Variants in ESR1 observed in about 807,000 individuals in gnomAD.
ESR1 encodes estrogen receptor 1.
ESR1 carries 12 observed loss-of-function variants against 52.7 expected under a neutral mutation model. That is an observed-to-expected ratio of 0.23 (90% CI 0.15 to 0.37). ESR1 has a LOEUF of 0.37. Ranked by LOEUF, ESR1 falls within the 10% of genes least tolerant of loss-of-function variation. The pLI, the probability that ESR1 is intolerant of heterozygous loss-of-function variation, is 1.00. For synonymous variants in ESR1, 305 were observed against 316.8 expected (o/e 0.96, Z 0.39); for missense variants, 584 against 779.7 (o/e 0.75, Z 2.99).
intron 2 of ESR1, among the ~76,000 whole-genome samples, chr6:151,775,341 C>T (rs945095282): frequency 2.6e-5 from 4 of 152,138 alleles, no homozygotes; most frequent in African/African-American, 9.7e-5. Flanking sequence ...ATCTGAAATG[C>T]TTCAGTGAGC....
At chr6:151,710,519 T>G (rs1780518229) in intron 2 of ESR1, among the ~76,000 whole-genome samples, 1 of 152,122 alleles carries the variant, frequency 6.6e-6, no homozygotes, top group Non-Finnish European at 1.5e-5. Flanking sequence ...CTTTTTGACC[T>G]ACAAAAGCAA....
chr6:151,688,949 C>T (rs899110729), upstream of ESR1, among the ~76,000 whole-genome samples: 4 of 152,098 alleles, frequency 2.6e-5, no homozygotes, highest in African/African-American at 9.7e-5. Flanking sequence ...TATTGGAATG[C>T]AAACGAATAT....
At chr6:151,709,984 C>A (rs1780472035) in intron 2 of ESR1, among the ~76,000 whole-genome samples, 1 of 151,438 alleles carries the variant, frequency 6.6e-6, no homozygotes, top group Non-Finnish European at 1.5e-5. Context: ...GTATTTTTTA[C>A]ATCTGGAATT....
chr6:151,901,496 G>T (rs1363691166), intron 3 of ESR1, among the ~76,000 whole-genome samples: 1 of 152,122 alleles, frequency 6.6e-6, no homozygotes, highest in Admixed American at 6.5e-5. Context: ...AGTTCAGCTG[G>T]AGGTTTCCTT....
intron 4 of ESR1, among the ~76,000 whole-genome samples, chr6:151,981,802 T>A (rs1168759475): frequency 2.0e-5 from 3 of 152,236 alleles, no homozygotes; most frequent in Non-Finnish European, 4.4e-5. Context: ...GTAGACATAG[T>A]TCTTTGTCCC....
intron 5 of ESR1, among the ~76,000 whole-genome samples, chr6:152,033,695 G>A (rs1421739335): frequency 2.6e-5 from 4 of 152,162 alleles, no homozygotes; most frequent in Non-Finnish European, 4.4e-5. Flanking sequence ...CACTGTTGGT[G>A]GGACTGTAAA....
chr6:151,798,195 G>GT (rs1198265393), intron 2 of ESR1, among the ~76,000 whole-genome samples: 89 of 151,166 alleles, frequency 5.9e-4, no homozygotes, highest in African/African-American at 1.9e-3. Flanking sequence ...CTGGCCAGGT[G>GT]TTTTTTTTTC....
At chr6:151,943,221 A>G (rs1288547448) in intron 3 of ESR1, among the ~76,000 whole-genome samples, 1 of 152,124 alleles carries the variant, frequency 6.6e-6, no homozygotes, top group Admixed American at 6.5e-5. Flanking sequence ...TCTACTAAAA[A>G]TACAAAAAAT....
intron 4 of ESR1, among the ~76,000 whole-genome samples, chr6:151,949,005 C>A (rs934884501): frequency 2.0e-5 from 3 of 152,184 alleles, no homozygotes; most frequent in African/African-American, 7.2e-5. Flanking sequence ...AGTCTCTGAG[C>A]CCTGTTACAG....
intron 2 of ESR1, among the ~76,000 whole-genome samples, chr6:151,721,267 C>T (rs1233882387): frequency 1.3e-5 from 2 of 152,164 alleles, no homozygotes; most frequent in Admixed American, 6.5e-5. Context: ...CAAGATAGGA[C>T]TTGGCAAGTT....
intron 2 of ESR1, among the ~76,000 whole-genome samples, chr6:151,760,180 G>A (rs774847584): frequency 2.6e-5 from 4 of 152,080 alleles, no homozygotes; most frequent in Non-Finnish European, 5.9e-5. Context: ...TTTCTTCAGG[G>A]CTCTCTTTGG....
chr6:152,064,871 A>G (rs1240336536), intron 6 of ESR1, among the ~76,000 whole-genome samples: 1 of 152,176 alleles, frequency 6.6e-6, no homozygotes, highest in Non-Finnish European at 1.5e-5. Context: ...GAAATGTATC[A>G]TGCTCTTCAG....
chr6:152,129,568 A>C (rs2054761351), exon 7 of ESR1: 2 of 152,042 alleles, frequency 1.3e-5, no homozygotes, highest in Non-Finnish European at 2.9e-5. Context: ...GAAAAAAAAA[A>C]ACTCATAAAA....
Position 151,662,922 on chromosome 6 carries a change from T to G in ESR1, n.73+6159T>G, listed in dbSNP as rs1364239807. Among the ~76,000 whole-genome samples the G allele has an allele frequency of 6.6e-5, 10 of 152,346 alleles. No homozygotes were observed. In the East Asian group the frequency reaches 1.9e-3, roughly 29 times the overall value. ...AGCTAGTAAATTAAGTCACTGTTTA[T>G]TCTGTGTAGTGGAAAGCATGCTTAA... On this transcript the variant is annotated intron_variant and non_coding_transcript_variant, in intron 1 of 2. Coordinates refer to the ESR1 transcript ENST00000473497.
At chr6:152,067,187 CA>C (rs1212397410) in intron 6 of ESR1, among the ~76,000 whole-genome samples, 1 of 152,094 alleles carries the variant, frequency 6.6e-6, no homozygotes, top group African/African-American at 2.4e-5. Context: ...TCTCAAGTCC[CA>C]AATGGTGTGG....
At chr6:151,662,000 G>T (rs1777654299) in intron 1 of ESR1, among the ~76,000 whole-genome samples, 1 of 152,058 alleles carries the variant, frequency 6.6e-6, no homozygotes, top group Admixed American at 6.6e-5. Flanking sequence ...TGTGCCATTG[G>T]CACACAGCAG....
At chr6:151,736,169 AC>A (rs1394739869) in intron 2 of ESR1, among the ~76,000 whole-genome samples, 1 of 152,184 alleles carries the variant, frequency 6.6e-6, no homozygotes, top group Non-Finnish European at 1.5e-5. Context: ...CCAAATTAAT[AC>A]TGTCCTTTCC....
At chr6:152,092,219 T>C (rs1464183331) in intron 6 of ESR1, among the ~76,000 whole-genome samples, 1 of 152,242 alleles carries the variant, frequency 6.6e-6, no homozygotes, top group Non-Finnish European at 1.5e-5. Flanking sequence ...AGCAGTTTCC[T>C]TCTTAATCTG....
chr6:151,859,162 T>C (rs1240548718), intron 2 of ESR1, among the ~76,000 whole-genome samples: 1 of 152,188 alleles, frequency 6.6e-6, no homozygotes, highest in African/African-American at 2.4e-5. Flanking sequence ...GTATGCAAGA[T>C]AGCATGCCTA....
Sources: gnomAD v4.1 joint callset for allele counts (sites outside exome capture counted in the v4.1 genomes callset) on GRCh38, gnomAD v4.1.1 for gene constraint, MANE v1.5 for transcripts, NCBI Gene and HGNC (gene_info 2026-07-23, HGNC 2026-07-21) for gene names.